Variants in SENP2 observed in about 807,000 individuals in gnomAD.
The protein encoded by SENP2 is sentrin-specific protease 2.
Under a neutral mutation model 86.3 loss-of-function variants are expected in SENP2, and 16 were observed. The ratio of observed to expected loss-of-function variants is 0.19; its 90% confidence interval spans 0.13 to 0.28. The LOEUF (loss-of-function observed/expected upper bound fraction) is 0.28. Ranked by LOEUF, SENP2 falls within the 10% of genes least tolerant of loss-of-function variation. The pLI is 1.00. For synonymous variants in SENP2, 222 were observed against 238.7 expected (o/e 0.93, Z 0.64); for missense variants, 552 against 703.0 (o/e 0.79, Z 2.43).
intron 2 of SENP2, among the ~76,000 whole-genome samples, chr3:185,597,147 C>A (rs577419283): frequency 6.6e-6 from 1 of 152,120 alleles, no homozygotes; most frequent in East Asian, 1.9e-4. Context: ...CAACCACGCC[C>A]AGCAAAAATT....
At chr3:185,608,167 G>A (rs1270912172) in intron 6 of SENP2, among the ~76,000 whole-genome samples, 3 of 152,312 alleles carry the variant, frequency 2.0e-5, no homozygotes, top group East Asian at 3.9e-4. Context: ...TGCCCTCTAC[G>A]AGCTTATACA....
Position 185,613,388 on chromosome 3 carries a change from A to G in SENP2, c.913A>G (p.Ile305Val). 1 of 1,593,278 alleles carries G rather than the reference A, an allele frequency of 6.3e-7. No homozygotes were observed. The highest frequency in any genetic ancestry group is 8.6e-7 in the Non-Finnish European group (1 of 1,162,988). Residue 305 changes from isoleucine to valine, a missense_variant, in exon 10 of 17, where the codon ATC becomes GTC. Transcript: ENST00000296257. The stretch of plus-strand genomic sequence containing the variant: ...TACTGATACAGAGACGATGGTCGGA[A>G]TCAGATTTGAAAATGAAAGTGTAAG... ...KITDTETMVG[I>V]RFENESRRGY...
intron 13 of SENP2, among the ~76,000 whole-genome samples, chr3:185,621,176 A>AAGAG (rs1176496397): frequency 6.8e-6 from 1 of 146,524 alleles, no homozygotes; most frequent in African/African-American, 2.5e-5. Flanking sequence ...AAAAAAAAAA[A>AAGAG]AGAGAGAGAG....
At chr3:185,623,181 G>T (rs1274822447) in intron 14 of SENP2, among the ~76,000 whole-genome samples, 2 of 150,956 alleles carry the variant, frequency 1.3e-5, no homozygotes, top group East Asian at 3.9e-4. Context: ...CACTCTTGCT[G>T]CCCAGGCTGG....
At chr3:185,605,640 G>A (rs1577727696) in intron 5 of SENP2, among the ~76,000 whole-genome samples, 1 of 148,376 alleles carries the variant, frequency 6.7e-6, no homozygotes, top group East Asian at 2.0e-4. Context: ...GATATTTACT[G>A]ATGATTTGTT....
At chr3:185,587,975 G>A (rs1488271641) in intron 1 of SENP2, among the ~76,000 whole-genome samples, 3 of 148,458 alleles carry the variant, frequency 2.0e-5, no homozygotes, top group Non-Finnish European at 4.4e-5. Flanking sequence ...TCCTGACCTC[G>A]TGATCCACCC....
intron 9 of SENP2, among the ~76,000 whole-genome samples, chr3:185,612,958 T>C (rs762858578): frequency 2.0e-5 from 3 of 152,248 alleles, no homozygotes; most frequent in Admixed American, 6.5e-5. Context: ...ATAGGAACAG[T>C]AAAGGCAGCT....
chr3:185,621,953 C>G (rs776879979), intron 14 of SENP2, 48 bp downstream of exon 14: 1 of 1,226,750 alleles, frequency 8.2e-7, no homozygotes, highest in Admixed American at 1.8e-5. Context: ...GGTGATCTCT[C>G]TTTTATCTCA....
chr3:185,594,755 G>A (rs1167878026), intron 2 of SENP2, among the ~76,000 whole-genome samples: 1 of 152,048 alleles, frequency 6.6e-6, no homozygotes, highest in Admixed American at 6.6e-5. Context: ...GAGTAGCTGG[G>A]ATTACAGGTG....
At chr3:185,618,337 G>A (rs940035892) in intron 12 of SENP2, among the ~76,000 whole-genome samples, 1 of 152,138 alleles carries the variant, frequency 6.6e-6, no homozygotes, top group African/African-American at 2.4e-5. Context: ...TGCCTAACTT[G>A]TCATCTTGTA....
intron 11 of SENP2, 141 bp from the exon 12 acceptor site, chr3:185,617,339 T>C (rs1711657721): frequency 3.7e-6 from 2 of 535,024 alleles, no homozygotes; most frequent in Non-Finnish European, 6.4e-6. Flanking sequence ...CCTACTGTAG[T>C]TTAGTAGGTC....
At chr3:185,589,835 A>G (rs1247570346) in intron 1 of SENP2, among the ~76,000 whole-genome samples, 2 of 151,912 alleles carry the variant, frequency 1.3e-5, no homozygotes, top group East Asian at 3.9e-4. Context: ...CTAATTTTTT[A>G]TTTATTTTTT....
intron 10 of SENP2, among the ~76,000 whole-genome samples, chr3:185,613,822 T>A (rs1052777353): frequency 1.8e-4 from 25 of 139,616 alleles, no homozygotes; most frequent in East Asian, 1.2e-3. Context: ...AATGAGACTC[T>A]GTCTCAAAAA....
In SENP2 at chr3:185,625,899, A is replaced by T. The variant is rs538756955; in HGVS notation, c.1612-399A>T. 1.9e-3 allele frequency among the ~76,000 whole-genome samples: 289 copies of T among 152,252 alleles called. 1 individual carries two copies. Among genetic ancestry groups the T allele is most frequent in the Non-Finnish European group, 3.1e-3 (212 of 68,012 alleles). ...GGTTTCTTGGAATGGGAGCTGAGAG[A>T]TGCAACTCTCACTTTGTGTTTTTCT... On this transcript the variant is annotated intron_variant, in intron 15 of 16. Transcript: ENST00000296257.
chr3:185,593,807 C>CA (rs1253514456), intron 2 of SENP2, among the ~76,000 whole-genome samples: 3 of 150,074 alleles, frequency 2.0e-5, no homozygotes, highest in Non-Finnish European at 4.4e-5. Context: ...TGGCTTGTTG[C>CA]AACCTCCACC....
At chr3:185,594,232 C>A (rs1722103621) in intron 2 of SENP2, among the ~76,000 whole-genome samples, 1 of 151,308 alleles carries the variant, frequency 6.6e-6, no homozygotes, top group African/African-American at 2.4e-5. Context: ...TTAGGACAAT[C>A]ATCTGTTTTA....
At chr3:185,629,123 TA>T (rs960278553) in intron 16 of SENP2, among the ~76,000 whole-genome samples, 1 of 152,236 alleles carries the variant, frequency 6.6e-6, no homozygotes, top group Admixed American at 6.5e-5. Context: ...GTTTTTCTCA[TA>T]AAAAAACAGA....
chr3:185,623,937 C>A, intron 14 of SENP2, 61 bp from the exon 15 acceptor site: 1 of 967,466 alleles, frequency 1.0e-6, no homozygotes, highest in Non-Finnish European at 1.6e-6. Flanking sequence ...CCCTATGTAA[C>A]CATAATGGTT....
At chr3:185,605,819 CAGTTCCT>C (rs1267277968) in intron 5 of SENP2, among the ~76,000 whole-genome samples, 1 of 152,146 alleles carries the variant, frequency 6.6e-6, no homozygotes, top group Non-Finnish European at 1.5e-5. Flanking sequence ...TTCCAGGCTT[CAGTTCCT>C]TTAGTGTTTA....
Sources: gnomAD v4.1 joint callset for allele counts (sites outside exome capture counted in the v4.1 genomes callset) on GRCh38, gnomAD v4.1.1 for gene constraint, MANE v1.5 for transcripts, NCBI Gene and HGNC (gene_info 2026-07-23, HGNC 2026-07-21) for gene names.